Variants in MSRA observed in about 807,000 individuals in gnomAD.
The protein encoded by MSRA is mitochondrial peptide methionine sulfoxide reductase.
A neutral mutation model predicts 31.3 loss-of-function variants in MSRA; 54 were observed. That is an observed-to-expected ratio of 1.73 (90% CI 1.39 to 2.17). The LOEUF is 2.17. Ranked by LOEUF, MSRA falls within the 30% of genes most tolerant of loss-of-function variation. The pLI, the probability that MSRA is intolerant of heterozygous loss-of-function variation, is 0.00. For missense variants in MSRA, 507 were observed against 300.9 expected (o/e 1.69, Z -5.07); for synonymous variants, 169 against 116.5 (o/e 1.45, Z -2.90).
At chr8:10,412,780 A>C (rs560690754) in intron 5 of MSRA, among the ~76,000 whole-genome samples, 20 of 152,232 alleles carry the variant, frequency 1.3e-4, no homozygotes, top group Non-Finnish European at 2.6e-4. Context: ...GCTACTCTAC[A>C]GCAGTTAGAA....
chr8:10,343,062 C>G (rs1014067290), intron 5 of MSRA, among the ~76,000 whole-genome samples: 2 of 144,874 alleles, frequency 1.4e-5, no homozygotes, highest in African/African-American at 5.1e-5. Flanking sequence ...CAGACACACA[C>G]ACACACACAC....
chr8:10,058,913 A>G (rs1414926490), intron 1 of MSRA: 12 of 152,228 alleles, frequency 7.9e-5, no homozygotes, highest in Admixed American at 7.2e-4. Context: ...TAAACTTCTT[A>G]ATGTTTAATT....
chr8:10,119,571 A>G (rs1388714385), intron 1 of MSRA, among the ~76,000 whole-genome samples: 1 of 152,216 alleles, frequency 6.6e-6, no homozygotes, highest in Non-Finnish European at 1.5e-5. Context: ...CAAGATGATT[A>G]AAGCACAGCC....
At chr8:10,304,870 C>T (rs944091971) in intron 4 of MSRA, among the ~76,000 whole-genome samples, 4 of 152,180 alleles carry the variant, frequency 2.6e-5, no homozygotes, top group Non-Finnish European at 5.9e-5. Flanking sequence ...ATCTGTGAGG[C>T]AGTAGTCCAC....
intron 1 of MSRA, among the ~76,000 whole-genome samples, chr8:10,204,473 G>C (rs1262875042): frequency 6.6e-6 from 1 of 151,996 alleles, no homozygotes; most frequent in Non-Finnish European, 1.5e-5. Context: ...TGTGCTTATA[G>C]ATATCTAGAT....
chr8:10,173,368 G>A (rs767036778), intron 1 of MSRA, among the ~76,000 whole-genome samples: 1 of 152,226 alleles, frequency 6.6e-6, no homozygotes, highest in African/African-American at 2.4e-5. Context: ...GAATCTGGGG[G>A]TGAAGACCAG....
chr8:10,402,728 G>A (rs979959855), intron 5 of MSRA, among the ~76,000 whole-genome samples: 1 of 152,176 alleles, frequency 6.6e-6, no homozygotes, highest in African/African-American at 2.4e-5. Context: ...GTTGCAGATG[G>A]CCAAGCTCTT....
chr8:10,180,708 T>G (rs563386874), intron 1 of MSRA, among the ~76,000 whole-genome samples: 1 of 152,190 alleles, frequency 6.6e-6, no homozygotes, highest in Non-Finnish European at 1.5e-5. Flanking sequence ...ATATTCCTTT[T>G]TGTGTCATAA....
chr8:10,216,567 C>T (rs542702005), intron 2 of MSRA, among the ~76,000 whole-genome samples: 6 of 152,318 alleles, frequency 3.9e-5, no homozygotes, highest in African/African-American at 1.4e-4. Flanking sequence ...AGACACTAAA[C>T]ACCGTCTAGT....
At chr8:10,093,336 A>G (rs768806667) in intron 1 of MSRA, among the ~76,000 whole-genome samples, 23 of 152,088 alleles carry the variant, frequency 1.5e-4, no homozygotes, top group African/African-American at 2.2e-4. Flanking sequence ...ATTTTCCTCT[A>G]TGTTTTTGAG....
At chr8:10,163,127 G>A (rs1461799239) in intron 1 of MSRA, among the ~76,000 whole-genome samples, 1 of 152,160 alleles carries the variant, frequency 6.6e-6, no homozygotes, top group Admixed American at 6.5e-5. Context: ...ACCAACTGTA[G>A]TCCAGAAGCG....
intron 2 of MSRA, among the ~76,000 whole-genome samples, chr8:10,219,867 T>G (rs71516561): frequency 0.21 from 30,238 of 146,820 alleles, 3,899 homozygotes; most frequent in East Asian, 0.28. Context: ...ACCTTTTTGG[T>G]TTTTTTTTGT....
chr8:10,401,988 G>T (rs1400045576), intron 5 of MSRA, among the ~76,000 whole-genome samples: 5 of 152,180 alleles, frequency 3.3e-5, no homozygotes, highest in Admixed American at 6.5e-5. Flanking sequence ...TGGTTGCACA[G>T]CACTGTAAAT....
chr8:10,298,519 G>A (rs554911378), intron 3 of MSRA, among the ~76,000 whole-genome samples: 3 of 152,126 alleles, frequency 2.0e-5, no homozygotes, highest in East Asian at 3.9e-4. Flanking sequence ...TCAGTTTTGC[G>A]AGATGAAAAG....
At position 10,209,252 on chromosome 8, in the gene MSRA, A is replaced by T. The variant is rs546439423; in HGVS notation, c.211+1351A>T. Among the ~76,000 whole-genome samples the T allele has an allele frequency of 3.3e-5, 5 of 152,308 alleles. No individual in the cohort carries two copies. The East Asian group carries it at 9.6e-4, about 29-fold the overall frequency. On this transcript the variant is annotated intron_variant, in intron 2 of 5. Transcript: ENST00000317173. ...TGGGACAGCAAATGTCACATATATC[A>T]ATGTTCAAAGGGGTCTTTTGATGAT...
At position 10,081,767 on chromosome 8, in the gene MSRA, G is replaced by A. The variant is rs148243457; in HGVS notation, c.142+27109G>A. 4.7e-3 allele frequency among the ~76,000 whole-genome samples: 723 copies of A among 152,300 alleles called. 4 individuals are homozygous for A. Among genetic ancestry groups the A allele is most frequent in the Non-Finnish European group, 7.9e-3 (539 of 68,022 alleles). On this transcript the variant is annotated intron_variant, in intron 1 of 5. Transcript: ENST00000317173. Reference sequence around the variant, plus strand: ...GGCCTCCCAAAGTCCCGGGAGATGGGATTACAGGTGTGAGCCACTACGCCT... The same window carrying A: ...GGCCTCCCAAAGTCCCGGGAGATGGAATTACAGGTGTGAGCCACTACGCCT...
intron 3 of MSRA, among the ~76,000 whole-genome samples, chr8:10,248,630 C>A (rs532511572): frequency 6.6e-6 from 1 of 152,094 alleles, no homozygotes; most frequent in Admixed American, 6.6e-5. Context: ...GATTCATATC[C>A]GAATGGTATT....
At chr8:10,298,012 G>C (rs1437570769) in intron 3 of MSRA, among the ~76,000 whole-genome samples, 1 of 152,192 alleles carries the variant, frequency 6.6e-6, no homozygotes, top group Non-Finnish European at 1.5e-5. Flanking sequence ...GTCATAGTAG[G>C]AGGTTGAGCT....
chr8:10,428,260 A>C lies in MSRA; in HGVS notation c.656A>C (p.Tyr219Ser). The C allele has an allele frequency of 1.9e-6, 3 of 1,614,178 alleles. No individual in the cohort carries two copies. The highest frequency in any genetic ancestry group is 2.5e-6 in the Non-Finnish European group (3 of 1,180,028). Residue 219 changes from tyrosine to serine, a missense_variant, in exon 6 of 6, where the codon TAC (tyrosine) becomes TCC (serine). Transcript: ENST00000317173. Reference protein sequence around the residue: ...QQYLSKNPNGYCGLGGTGVSC... With the variant: ...QQYLSKNPNGSCGLGGTGVSC... ...TACCTGAGCAAGAACCCCAATGGCT[A>C]CTGCGGCCTTGGGGGCACCGGCGTG...
Sources: allele counts gnomAD v4.1 joint callset (sites outside exome capture counted in the v4.1 genomes callset), GRCh38; gene constraint gnomAD v4.1.1; transcripts MANE v1.5; gene names NCBI Gene and HGNC (gene_info 2026-07-23, HGNC 2026-07-21).